The following SCFD1 variants were observed in gnomAD, a reference collection of about 807,000 sequenced individuals.
SCFD1 encodes sec1 family domain-containing protein 1.
In SCFD1, 37 loss-of-function variants were observed where a neutral mutation model predicts 103.2. The ratio of observed to expected loss-of-function variants is 0.36; its 90% CI spans 0.28 to 0.47. The LOEUF is 0.47. Ranked by LOEUF, SCFD1 falls within the 20% of genes least tolerant of loss-of-function variation. The probability of loss-of-function intolerance (pLI) is 1.00; values close to 1 mark genes in which losing one functional copy is unlikely to be tolerated. For synonymous variants in SCFD1, 264 were observed against 245.0 expected (o/e 1.08, Z -0.73); for missense variants, 639 against 761.2 (o/e 0.84, Z 1.89).
At chr14:30,655,494 A>T (rs945203004) in intron 10 of SCFD1, among the ~76,000 whole-genome samples, 2 of 152,232 alleles carry the variant, frequency 1.3e-5, no homozygotes, top group African/African-American at 4.8e-5. Context: ...TGGGATTCTA[A>T]TATACATTTG....
At chr14:30,650,494 A>G in intron 8 of SCFD1, 71 bp from the exon 9 acceptor site, 2 of 885,262 alleles carry the variant, frequency 2.3e-6, no homozygotes, top group South Asian at 1.5e-5. Context: ...GAAACTAAAA[A>G]CACATTTTGA....
rs229148 is a variant in SCFD1, at chr14:30,625,616, C to T, written c.62-2593C>T. ...CCTTTTTGTTATAGGTATAGGTATACCTATATAGGTATAGGTATATAGGCA... is the reference window on the plus strand; with the variant it reads ...CCTTTTTGTTATAGGTATAGGTATATCTATATAGGTATAGGTATATAGGCA... On this transcript the variant is annotated intron_variant, in intron 1 of 24. Transcript: ENST00000458591. 3.0e-5 allele frequency among the ~76,000 whole-genome samples: 2 copies of T among 67,096 alleles called. 1 individual carries two copies. The highest frequency in any genetic ancestry group is 1.0e-4 in the African/African-American group (2 of 19,106). The allele number at this position is 67,096 out of a possible 152,430, so 44.0% of individuals were successfully genotyped here. A position where few individuals can be genotyped will look rare whatever the true frequency, so the allele number is the denominator to read the frequency against.
chr14:30,628,831 G>C (rs1883799820), intron 2 of SCFD1, among the ~76,000 whole-genome samples: 1 of 152,116 alleles, frequency 6.6e-6, no homozygotes, highest in Non-Finnish European at 1.5e-5. Flanking sequence ...TTATAATACA[G>C]TTGATTGGGT....
chr14:30,673,148 C>T, intron 11 of SCFD1, 109 bp from the exon 12 acceptor site: 3 of 473,174 alleles, frequency 6.3e-6, no homozygotes, highest in Non-Finnish European at 1.1e-5. Context: ...TATTCAAATC[C>T]AAATAAGTAT....
Position 30,719,387 on chromosome 14 carries a change from T to C in SCFD1, c.1736+10T>C. 1 of 1,598,850 alleles carries C rather than the reference T, an allele frequency of 6.3e-7. No individual in the cohort carries two copies. Among genetic ancestry groups the C allele is most frequent in the Non-Finnish European group, 8.5e-7 (1 of 1,170,266 alleles). On this transcript the variant is annotated intron_variant, in intron 21 of 24. Transcript: ENST00000458591. ...TGCGGGGCAATGACAGGTAAGCAGC[T>C]TTTGTCTTGTTTAACTTGTGGATTT...
chr14:30,731,486 A>G (rs1893463489), intron 23 of SCFD1, among the ~76,000 whole-genome samples: 1 of 152,190 alleles, frequency 6.6e-6, no homozygotes, highest in Non-Finnish European at 1.5e-5. Context: ...ATCCATGGGC[A>G]TGGAATGTTC....
chr14:30,649,754 T>C lies in SCFD1; in HGVS notation c.669+171T>C, dbSNP rs559569941. ...AGATTGCACCGAAGATAAAAAGTAA[T>C]CATTTATTTCCACACGAGAAAGTAA... On this transcript the variant is annotated intron_variant, in intron 8 of 24. Coordinates refer to ENST00000458591, the MANE Select transcript of SCFD1 (RefSeq NM_016106.4). 5.3e-5 allele frequency among the ~76,000 whole-genome samples: 8 copies of C among 152,310 alleles called. No homozygotes were observed. In the South Asian group the frequency reaches 1.5e-3, roughly 28 times the overall value.
chr14:30,660,631 TA>T (rs1439952424), intron 10 of SCFD1, among the ~76,000 whole-genome samples: 1 of 152,144 alleles, frequency 6.6e-6, no homozygotes, highest in African/African-American at 2.4e-5. Context: ...TTTTTTTTTT[TA>T]TCACCTACTT....
intron 5 of SCFD1, 30 bp from the exon 6 acceptor site, chr14:30,639,747 T>C: frequency 6.5e-7 from 1 of 1,538,898 alleles, no homozygotes; most frequent in African/African-American, 1.4e-5. Flanking sequence ...ATTGTAAGAT[T>C]GATTTGTAAA....
At chr14:30,715,788 C>G in intron 19 of SCFD1, 136 bp from the exon 20 acceptor site, 1 of 554,890 alleles carries the variant, frequency 1.8e-6, no homozygotes, top group Non-Finnish European at 3.2e-6. Context: ...ATCACCTTTA[C>G]CATTCACAGA....
chr14:30,668,534 C>A (rs1348211522), intron 10 of SCFD1, among the ~76,000 whole-genome samples: 3 of 152,060 alleles, frequency 2.0e-5, no homozygotes, highest in Admixed American at 6.6e-5. Flanking sequence ...GCAACAAAAG[C>A]CAAAATAGAC....
chr14:30,684,706 G>C (rs888695409), intron 14 of SCFD1, among the ~76,000 whole-genome samples: 1 of 98,390 alleles, frequency 1.0e-5, no homozygotes, highest in Admixed American at 1.1e-4. Flanking sequence ...TGTCTAGAAT[G>C]TTCCCCTTTT....
At chr14:30,705,774 GAGTT>G (rs764849956) in intron 17 of SCFD1, 45 bp from the exon 18 acceptor site, 2 of 1,378,844 alleles carry the variant, frequency 1.5e-6, no homozygotes, top group African/African-American at 1.4e-5. Context: ...GTGACACCCA[GAGTT>G]AGTTCTAATA....
At chr14:30,644,917 T>G (rs1015287501) in intron 7 of SCFD1, among the ~76,000 whole-genome samples, 3 of 152,196 alleles carry the variant, frequency 2.0e-5, no homozygotes, top group African/African-American at 4.8e-5. Flanking sequence ...CCAAGGCCTG[T>G]GTTCAGAATG....
chr14:30,713,326 T>G (rs1041608797), intron 19 of SCFD1, among the ~76,000 whole-genome samples: 1 of 152,158 alleles, frequency 6.6e-6, no homozygotes, highest in African/African-American at 2.4e-5. Flanking sequence ...GTGGTAGATG[T>G]GTAGATGGTT....
chr14:30,731,884 C>T (rs1220562584), intron 23 of SCFD1, among the ~76,000 whole-genome samples: 6 of 152,152 alleles, frequency 3.9e-5, no homozygotes, highest in African/African-American at 1.4e-4. Flanking sequence ...GAACTTCCAA[C>T]ACTATGTTGA....
chr14:30,695,017 T>G, intron 15 of SCFD1, 148 bp downstream of exon 15: 2 of 1,427,478 alleles, frequency 1.4e-6, no homozygotes, highest in Non-Finnish European at 9.2e-7. Flanking sequence ...CTGGTAAAAT[T>G]TTATAACTTA....
At chr14:30,654,250 A>G (rs1175690417) in intron 10 of SCFD1, among the ~76,000 whole-genome samples, 1 of 152,254 alleles carries the variant, frequency 6.6e-6, no homozygotes, top group Admixed American at 6.5e-5. Flanking sequence ...CAGACGTTAA[A>G]GAATTTGAAC....
chr14:30,702,451 A>G (rs1337464308), intron 17 of SCFD1, 76 bp downstream of exon 17: 20 of 887,386 alleles, frequency 2.3e-5, no homozygotes, highest in Non-Finnish European at 3.1e-5. Flanking sequence ...GAAAATGGGA[A>G]TGCTAATAAG....
Sources: gnomAD v4.1 joint callset for allele counts (sites outside exome capture counted in the v4.1 genomes callset) on GRCh38, gnomAD v4.1.1 for gene constraint, MANE v1.5 for transcripts, NCBI Gene and HGNC (gene_info 2026-07-23, HGNC 2026-07-21) for gene names.